The following GTF3C4 variants were observed in gnomAD, a reference collection of about 807,000 sequenced individuals.
The protein encoded by GTF3C4 is general transcription factor IIIC subunit 4.
In GTF3C4, 28 loss-of-function variants were observed where a neutral mutation model predicts 67.5. The observed-to-expected ratio is 0.41, with a 90% confidence interval of 0.31 to 0.57. GTF3C4 has a LOEUF of 0.57. Ranked by LOEUF, GTF3C4 falls within the 20% of genes least tolerant of loss-of-function variation. The pLI, the probability that GTF3C4 is intolerant of heterozygous loss-of-function variation, is 0.21. For synonymous variants in GTF3C4, 409 were observed against 393.0 expected (o/e 1.04, Z -0.48); for missense variants, 831 against 1,033.2 (o/e 0.80, Z 2.68).
chr9:132,670,144 G>C, upstream of GTF3C4: 1 of 1,592,706 alleles, frequency 6.3e-7, no homozygotes, highest in Non-Finnish European at 8.6e-7. Flanking sequence ...CCGCCTGGTG[G>C]CAGCCCCTCT....
At chr9:132,675,364 C>T (rs1384443007) in intron 1 of GTF3C4, among the ~76,000 whole-genome samples, 5 of 152,130 alleles carry the variant, frequency 3.3e-5, no homozygotes, top group African/African-American at 1.2e-4. Context: ...TGTTTTATTT[C>T]CAAGCCAGCC....
chr9:132,680,386 T>A (rs1305533106), intron 2 of GTF3C4, among the ~76,000 whole-genome samples: 1 of 152,228 alleles, frequency 6.6e-6, no homozygotes, highest in Non-Finnish European at 1.5e-5. Context: ...TCCCAGTGCA[T>A]ATTACCACTC....
chr9:132,670,354 G>A, upstream of GTF3C4: 22 of 1,388,128 alleles, frequency 1.6e-5, 1 homozygote, highest in Non-Finnish European at 2.1e-5. Context: ...CTCAATCCCT[G>A]GGCAGGGAAA....
At position 132,679,632 on chromosome 9, in the gene GTF3C4, A is replaced by G. The variant is rs1835912553; in HGVS notation, c.2013A>G (p.Glu671=). Residue 671 remains glutamate (E), a synonymous_variant, in exon 2 of 5, where the codon GAA becomes GAG. Transcript: ENST00000372146. The surrounding 1 kb of genome is among the most constrained non-coding windows in gnomAD (Gnocchi z 5.9). ...GREPMEEKLL[E]IQGKIEAVEM... is the part of the protein sequence containing the mutation. The stretch of plus-strand genomic sequence containing the variant: ...AGCCAATGGAAGAGAAACTCCTGGA[A>G]ATCCAAGGGAAAATCGAAGCTGTGG... 1 of 1,614,212 alleles carries G rather than the reference A, an allele frequency of 6.2e-7. No individual in the cohort carries two copies. The highest frequency in any genetic ancestry group is 2.2e-5 in the East Asian group (1 of 44,882).
chr9:132,671,999 C>A (rs560780296), intron 1 of GTF3C4, among the ~76,000 whole-genome samples: 4 of 152,252 alleles, frequency 2.6e-5, no homozygotes, highest in African/African-American at 9.6e-5. Context: ...GCAGATAACC[C>A]TCATCACTTT....
At chr9:132,687,598 AATT>A (rs1442527525) in intron 4 of GTF3C4, among the ~76,000 whole-genome samples, 2 of 152,232 alleles carry the variant, frequency 1.3e-5, no homozygotes, top group African/African-American at 4.8e-5. Context: ...ACTGCAAACA[AATT>A]ATTCATTCCA....
intron 1 of GTF3C4, among the ~76,000 whole-genome samples, chr9:132,673,466 CT>C: frequency 6.6e-6 from 1 of 151,670 alleles, no homozygotes; most frequent in East Asian, 1.9e-4. Context: ...ATTTAGCAGT[CT>C]TTTTAGACTG....
chr9:132,680,907 A>G (rs558341353), intron 2 of GTF3C4, among the ~76,000 whole-genome samples: 55 of 152,198 alleles, frequency 3.6e-4, no homozygotes, highest in Non-Finnish European at 6.8e-4. Context: ...TCAGGAGACC[A>G]GGAGACTAGC....
chr9:132,677,849 T>C (rs1449854775), intron 1 of GTF3C4, 128 bp from the exon 2 acceptor site: 1 of 753,098 alleles, frequency 1.3e-6, no homozygotes, highest in African/African-American at 1.7e-5. Context: ...ACATCTCTCT[T>C]GCATATATTA....
chr9:132,672,487 C>A (rs1835799653), intron 1 of GTF3C4, among the ~76,000 whole-genome samples: 1 of 151,108 alleles, frequency 6.6e-6, no homozygotes, highest in Non-Finnish European at 1.5e-5. Context: ...TGTGCATACA[C>A]GTTTAAGTCA....
At chr9:132,673,417 G>GT (rs11384706) in intron 1 of GTF3C4, among the ~76,000 whole-genome samples, 71,068 of 149,414 alleles carry the variant, frequency 0.48, 17,397 homozygotes, top group African/African-American at 0.61. Flanking sequence ...CTGTACTGTT[G>GT]TTTTTTTTTT....
In GTF3C4 at chr9:132,670,540, G is replaced by C. The variant is rs1463334042; in HGVS notation, c.-59G>C. On this transcript the variant is annotated 5_prime_UTR_variant, in exon 1 of 5. Transcript: ENST00000372146. ...GCTGGGGGTGGCGGCGGCGGTCCGG[G>C]AGGTGGTCGCGCGACTGCGTGGAGC... is the stretch of plus-strand genomic sequence containing the variant. 3.9e-6 allele frequency: 5 copies of C among 1,271,328 alleles called. No homozygotes were observed. The highest frequency in any genetic ancestry group is 5.7e-5 in the East Asian group (2 of 35,120). The allele number at this position is 1,271,328 out of a possible 1,614,324, so 78.8% of individuals were successfully genotyped here. A position where few individuals can be genotyped will look rare whatever the true frequency, so the allele number is the denominator to read the frequency against.
At chr9:132,673,639 A>G (rs1233382037) in intron 1 of GTF3C4, among the ~76,000 whole-genome samples, 2 of 152,302 alleles carry the variant, frequency 1.3e-5, no homozygotes, top group East Asian at 3.9e-4. Context: ...GCCGTGCAGC[A>G]TGCCTTCGCG....
rs1210113363 is a variant in GTF3C4, at chr9:132,670,886, C to T, written c.288C>T (p.His96=). Residue 96 remains histidine, a synonymous_variant, in exon 1 of 5, where the codon CAC becomes CAT. Coordinates refer to ENST00000372146, the MANE Select transcript of GTF3C4 (RefSeq NM_012204.4). ...IAVLELICDV[H]NPGQDLVIHR... ...TGCTGGAGCTCATCTGCGACGTGCACAACCCGGGCCAGGACCTGGTTATCC... is the reference window on the plus strand; with the variant it reads ...TGCTGGAGCTCATCTGCGACGTGCATAACCCGGGCCAGGACCTGGTTATCC... 5 of 1,612,514 alleles carry T rather than the reference C, an allele frequency of 3.1e-6. No individual in the cohort carries two copies. In the East Asian group the frequency reaches 1.1e-4, roughly 36 times the overall value.
At chr9:132,673,081 G>A (rs1184367621) in intron 1 of GTF3C4, among the ~76,000 whole-genome samples, 1 of 152,174 alleles carries the variant, frequency 6.6e-6, no homozygotes, top group African/African-American at 2.4e-5. Context: ...CTACTGGGAG[G>A]CTGAGGCAGG....
In GTF3C4 at chr9:132,678,438, T is replaced by C; in HGVS notation, c.819T>C (p.Ser273=). The change falls in exon 2 of 5, where the codon AGT becomes AGC. Residue 273 remains serine, a synonymous_variant. Coordinates refer to ENST00000372146, the MANE Select transcript of GTF3C4 (RefSeq NM_012204.4). The surrounding 1 kb of genome is among the most constrained non-coding windows in gnomAD (Gnocchi z 6.5). ...ACAACGAATGCCGGGACGTTGGCAG[T>C]GTGCTCCTGGCTGTCCTCTTTGAAA... The part of the protein sequence containing the change: ...KHNNECRDVG[S]VLLAVLFENG... 3 of 1,614,228 alleles carry C rather than the reference T, an allele frequency of 1.9e-6. No individual in the cohort carries two copies. The highest frequency in any genetic ancestry group is 2.5e-6 in the Non-Finnish European group (3 of 1,180,036).
In GTF3C4 at chr9:132,670,942, G is replaced by A. The variant is rs1343035516; in HGVS notation, c.344G>A (p.Ser115Asn). The A allele has an allele frequency of 1.2e-6, 2 of 1,610,168 alleles. No homozygotes were observed. Among genetic ancestry groups the A allele is most frequent in the Non-Finnish European group, 8.5e-7 (1 of 1,177,912 alleles). ...HRTSVPAPLN[S>N]CLLKVGSKTE... ...ACCTCGGTGCCCGCACCGCTCAACA[G>A]CTGTCTCCTCAAAGTAAGTCATCCC... Residue 115 changes from serine (S) to asparagine (N), a missense_variant, in exon 1 of 5, where the codon AGC becomes AAC. Physicochemically the swap from Ser to Asn is conservative, Grantham distance 46 (BLOSUM62 1). Coordinates refer to ENST00000372146, the MANE Select transcript of GTF3C4 (RefSeq NM_012204.4).
chr9:132,678,561 T>C lies in GTF3C4; in HGVS notation c.942T>C (p.Ser314=). 6.2e-7 allele frequency: 1 copy of C among 1,614,160 alleles called. No homozygotes were observed. The highest frequency in any genetic ancestry group is 1.3e-5 in the African/African-American group (1 of 75,044). Residue 314 remains serine, a synonymous_variant, in exon 2 of 5, where the codon AGT becomes AGC. Coordinates refer to ENST00000372146, the MANE Select transcript of GTF3C4 (RefSeq NM_012204.4). The surrounding 1 kb of genome is among the most constrained non-coding windows in gnomAD (Gnocchi z 6.5). ...NTIESGITSP[S]VLFWWEYEHN... is the part of the protein sequence containing the mutation. ...TTGAGTCAGGAATCACCTCTCCCAG[T>C]GTATTGTTTTGGTGGGAATATGAGC...
rs540918126 is a variant in GTF3C4 at position 132,678,292 on chromosome 9, A to G, written c.673A>G (p.Lys225Glu). Residue 225 changes from lysine to glutamate, a missense_variant, in exon 2 of 5, where the codon AAA becomes GAA. Transcript: ENST00000372146. The surrounding 1 kb of genome is among the most constrained non-coding windows in gnomAD (Gnocchi z 6.5). Reference sequence around the variant, plus strand: ...TTATGAGACCAGTTACAGGCTCTCTAAAAATGAGGCCCCGGAAGGAAATCT... The same window carrying G: ...TTATGAGACCAGTTACAGGCTCTCTGAAAATGAGGCCCCGGAAGGAAATCT... Reference protein sequence around the residue: ...RLYETSYRLSKNEAPEGNLGD... With the variant: ...RLYETSYRLSENEAPEGNLGD... 1 of 1,614,198 alleles carries G rather than the reference A, an allele frequency of 6.2e-7. No individual in the cohort carries two copies. The highest frequency in any genetic ancestry group is 1.7e-5 in the Admixed American group (1 of 60,022).
Sources: allele counts gnomAD v4.1 joint callset (sites outside exome capture counted in the v4.1 genomes callset), GRCh38; gene constraint gnomAD v4.1.1; non-coding constraint Gnocchi (gnomAD v3.1); transcripts MANE v1.5; gene names NCBI Gene and HGNC (gene_info 2026-07-23, HGNC 2026-07-21).